The following FUT8 variants were observed in gnomAD, a reference collection of about 807,000 sequenced individuals.
FUT8 encodes the protein alpha-(1,6)-fucosyltransferase.
FUT8 carries 29 observed loss-of-function variants against 71.3 expected under a neutral mutation model. That is an observed-to-expected ratio of 0.41 (90% CI 0.30 to 0.55). The LOEUF (loss-of-function observed/expected upper bound fraction) is 0.55, where lower values mean the gene tolerates loss of function less well. FUT8 is among the 20% of genes least tolerant of loss of function. The probability of loss-of-function intolerance (pLI) is 0.34; values close to 1 mark genes in which losing one functional copy is unlikely to be tolerated. For missense variants in FUT8, 544 were observed against 702.1 expected, an observed-to-expected ratio of 0.77 and a Z score of 2.55; for synonymous variants, 254 against 239.3, an observed-to-expected ratio of 1.06 and a Z score of -0.57.
the FUT8 span, among the ~76,000 whole-genome samples, chr14:65,392,228 G>A: frequency 2.0e-5 from 3 of 152,324 alleles, no homozygotes; most frequent in South Asian, 2.1e-4. Context: ...CACCGCGCCC[G>A]GCTAACTTTT....
chr14:65,713,137 A>G (rs1230509456), intron 7 of FUT8, among the ~76,000 whole-genome samples: 1 of 152,176 alleles, frequency 6.6e-6, no homozygotes, highest in East Asian at 1.9e-4. Flanking sequence ...AGCTCCCACA[A>G]ATAAGTGAGA....
the FUT8 span, among the ~76,000 whole-genome samples, chr14:65,363,180 G>A: frequency 6.6e-6 from 1 of 152,082 alleles, no homozygotes; most frequent in Non-Finnish European, 1.5e-5. Context: ...GGTGTACAGT[G>A]GTGTGACCTC....
intron 2 of FUT8, among the ~76,000 whole-genome samples, chr14:65,522,689 A>G (rs1883164065): frequency 6.6e-6 from 1 of 151,752 alleles, no homozygotes; most frequent in South Asian, 2.1e-4. Context: ...CGTCATTTAT[A>G]TTAGGTGTAT....
At chr14:65,468,188 G>A in intron 2 of FUT8, 1 of 634,484 alleles carries the variant, frequency 1.6e-6, no homozygotes, top group Non-Finnish European at 3.0e-6. Flanking sequence ...CACTCGCGGA[G>A]CATTCCTTTT....
At position 65,604,320 on chromosome 14, in the gene FUT8, G is replaced by A. The variant is rs191715512; in HGVS notation, c.204-11658G>A. Among the ~76,000 whole-genome samples the A allele has an allele frequency of 6.5e-3, 983 of 151,862 alleles. 20 individuals carry two copies. Among genetic ancestry groups the A allele is most frequent in the Non-Finnish European group, 8.2e-3 (559 of 67,872 alleles). Reference sequence around the variant, plus strand: ...TATACATTCTATTCATCAGCGCATGGAACTTTCTCCAAGGTAGACCATTTG... The same window carrying A: ...TATACATTCTATTCATCAGCGCATGAAACTTTCTCCAAGGTAGACCATTTG... On this transcript the variant is annotated intron_variant, in intron 3 of 10. Transcript: ENST00000673929.
chr14:65,617,773 G>A (rs993171303), intron 5 of FUT8, among the ~76,000 whole-genome samples: 10 of 151,702 alleles, frequency 6.6e-5, no homozygotes, highest in East Asian at 1.9e-4. Context: ...GTGAAACCCC[G>A]TCTCTACCAA....
At chr14:65,674,952 T>C (rs1810790834) in intron 7 of FUT8, among the ~76,000 whole-genome samples, 1 of 152,188 alleles carries the variant, frequency 6.6e-6, no homozygotes, top group South Asian at 2.1e-4. Flanking sequence ...TGCAGGTACA[T>C]AAGGACTTTT....
intron 1 of FUT8, among the ~76,000 whole-genome samples, chr14:65,440,616 C>A (rs1566748670): frequency 6.6e-6 from 1 of 152,176 alleles, no homozygotes; most frequent in Non-Finnish European, 1.5e-5. Flanking sequence ...GTACACAATA[C>A]ATATGTGTAA....
chr14:65,540,189 A>G (rs1884591469), intron 2 of FUT8, among the ~76,000 whole-genome samples: 1 of 152,200 alleles, frequency 6.6e-6, no homozygotes, highest in African/African-American at 2.4e-5. Flanking sequence ...AGCTGTCAGA[A>G]ATAGATAGGG....
chr14:65,656,874 C>T (rs1386477176), intron 6 of FUT8, among the ~76,000 whole-genome samples: 19 of 152,068 alleles, frequency 1.2e-4, no homozygotes, highest in Non-Finnish European at 5.9e-5. Context: ...AACTCATTTT[C>T]AACGAAAGTC....
intron 2 of FUT8, among the ~76,000 whole-genome samples, chr14:65,528,131 T>C (rs547526830): frequency 6.6e-6 from 1 of 152,370 alleles, no homozygotes; most frequent in South Asian, 2.1e-4. Context: ...TGTTCGGCTA[T>C]GCCCTGTCCA....
intron 2 of FUT8, among the ~76,000 whole-genome samples, chr14:65,476,793 C>T (rs1429689199): frequency 6.6e-6 from 1 of 151,724 alleles, no homozygotes; most frequent in Non-Finnish European, 1.5e-5. Context: ...AAGTCTCTGC[C>T]CAGTAATACT....
At chr14:65,450,691 T>C (rs992671252) in intron 1 of FUT8, among the ~76,000 whole-genome samples, 15 of 152,186 alleles carry the variant, frequency 9.9e-5, no homozygotes, top group Non-Finnish European at 1.0e-4. Context: ...TTATTATTGC[T>C]GATTACTGGA....
chr14:65,411,260 G>A (rs1350696097), upstream of FUT8: 1 of 151,374 alleles, frequency 6.6e-6, no homozygotes, highest in African/African-American at 2.4e-5. Context: ...TGTGATCTTG[G>A]ACAAGTCACT....
intron 6 of FUT8, among the ~76,000 whole-genome samples, chr14:65,657,682 G>T (rs1471197649): frequency 6.6e-6 from 1 of 152,082 alleles, no homozygotes; most frequent in Admixed American, 6.5e-5. Flanking sequence ...GCTGGGAAGG[G>T]TAGTTGTGGG....
At chr14:65,657,471 C>T (rs1490909865) in intron 6 of FUT8, among the ~76,000 whole-genome samples, 1 of 152,078 alleles carries the variant, frequency 6.6e-6, no homozygotes, top group African/African-American at 2.4e-5. Context: ...TACCTATACA[C>T]AATGGAGTAC....
upstream of FUT8, among the ~76,000 whole-genome samples, chr14:65,409,604 A>G (rs1001706714): frequency 1.3e-5 from 2 of 152,246 alleles, no homozygotes; most frequent in Non-Finnish European, 2.9e-5. The surrounding 1 kb of genome is among the most constrained non-coding windows in gnomAD (Gnocchi z 5.4). Context: ...ATTCACGTTC[A>G]TTAACTTTGA....
At chr14:65,558,909 TA>T (rs1885750140) in intron 2 of FUT8, among the ~76,000 whole-genome samples, 1 of 152,162 alleles carries the variant, frequency 6.6e-6, no homozygotes, top group Admixed American at 6.5e-5. Flanking sequence ...GTTTTGCTCT[TA>T]TAAAAATGTA....
chr14:65,480,155 T>C (rs2411819), intron 2 of FUT8, among the ~76,000 whole-genome samples: 9,552 of 152,126 alleles, frequency 0.063, 545 homozygotes, highest in South Asian at 0.2. Context: ...TAGTGCCTCA[T>C]AGTATCTGGC....
Sources: gnomAD v4.1 joint callset for allele counts (sites outside exome capture counted in the v4.1 genomes callset) on GRCh38, gnomAD v4.1.1 for gene constraint, Gnocchi (gnomAD v3.1) non-coding constraint, MANE v1.5 for transcripts, NCBI Gene and HGNC (gene_info 2026-07-23, HGNC 2026-07-21) for gene names.